The following MYBPC1 variants were observed in gnomAD, a reference collection of about 807,000 sequenced individuals.
The protein encoded by MYBPC1 is myosin-binding protein C, slow-type.
In MYBPC1, 52 loss-of-function variants were observed where a neutral mutation model predicts 147.1. That is an observed-to-expected ratio of 0.35 (90% CI 0.28 to 0.45). MYBPC1 has a LOEUF of 0.45. MYBPC1 is among the 20% of genes least tolerant of loss of function. MYBPC1 has a pLI of 1.00. For missense variants in MYBPC1, 1,228 were observed against 1,440.3 expected (o/e 0.85, Z 2.39); for synonymous variants, 477 against 475.9 (o/e 1.00, Z -0.03).
chr12:101,614,558 G>C lies in MYBPC1; in HGVS notation c.61+27G>C, dbSNP rs372192510. 1.9e-6 allele frequency: 3 copies of C among 1,611,454 alleles called. No individual in the cohort carries two copies. In the African/African-American group the frequency reaches 4.0e-5, roughly 22 times the overall value. On this transcript the variant is annotated intron_variant, in intron 2 of 31. Transcript: ENST00000361466. ...TGAGTAAAAACACTCACTCACACACGTTTGGGCTGCAAATACAGAGGGTCC... is the reference window on the plus strand; with the variant it reads ...TGAGTAAAAACACTCACTCACACACCTTTGGGCTGCAAATACAGAGGGTCC...
intron 1 of MYBPC1, among the ~76,000 whole-genome samples, chr12:101,598,618 G>A (rs557832617): frequency 6.6e-6 from 1 of 152,106 alleles, no homozygotes; most frequent in East Asian, 1.9e-4. Flanking sequence ...CTGTCACCCA[G>A]GCTGGAATGC....
At chr12:101,620,653 T>C (rs1197380200) in intron 3 of MYBPC1, among the ~76,000 whole-genome samples, 1 of 152,228 alleles carries the variant, frequency 6.6e-6, no homozygotes, top group Admixed American at 6.5e-5. Flanking sequence ...AGGTTTCTGC[T>C]GTGCCTCAAC....
chr12:101,662,888 C>T (rs922637247), intron 21 of MYBPC1, among the ~76,000 whole-genome samples: 2 of 152,110 alleles, frequency 1.3e-5, no homozygotes, highest in Non-Finnish European at 2.9e-5. Context: ...GTTAATATAA[C>T]CCAGCTTAGT....
At chr12:101,595,743 A>T (rs1291083285) in intron 1 of MYBPC1, among the ~76,000 whole-genome samples, 1 of 152,150 alleles carries the variant, frequency 6.6e-6, no homozygotes, top group Non-Finnish European at 1.5e-5. Flanking sequence ...ATTGTAGAGA[A>T]TTTCATAATA....
At chr12:101,600,625 A>G (rs1187117703) in intron 1 of MYBPC1, among the ~76,000 whole-genome samples, 1 of 152,210 alleles carries the variant, frequency 6.6e-6, no homozygotes, top group African/African-American at 2.4e-5. Context: ...ACTTTTATTT[A>G]AAATTATTGC....
At chr12:101,623,946 A>G (rs1263135089) in intron 3 of MYBPC1, among the ~76,000 whole-genome samples, 3 of 152,206 alleles carry the variant, frequency 2.0e-5, no homozygotes, top group African/African-American at 2.4e-5. Context: ...ATGTGAATGC[A>G]TGCATATTAG....
At chr12:101,671,106 T>C (rs909923256) in intron 24 of MYBPC1, among the ~76,000 whole-genome samples, 1 of 152,146 alleles carries the variant, frequency 6.6e-6, no homozygotes, top group Non-Finnish European at 1.5e-5. Flanking sequence ...ATATCAATGC[T>C]GTCCAATATG....
intron 4 of MYBPC1, among the ~76,000 whole-genome samples, 183 bp from the exon 5 acceptor site, chr12:101,627,586 T>C (rs1406068869): frequency 6.6e-6 from 1 of 152,260 alleles, no homozygotes; most frequent in East Asian, 1.9e-4. Flanking sequence ...AGACACACAC[T>C]TTTATAGATG....
chr12:101,671,767 AG>A (rs1233939667), intron 24 of MYBPC1, among the ~76,000 whole-genome samples: 1 of 152,144 alleles, frequency 6.6e-6, no homozygotes, highest in African/African-American at 2.4e-5. Flanking sequence ...TCTGTCACTG[AG>A]TCTGAGAGAG....
intron 23 of MYBPC1, among the ~76,000 whole-genome samples, chr12:101,669,663 G>A (rs919091601): frequency 1.3e-5 from 2 of 152,120 alleles, no homozygotes; most frequent in Non-Finnish European, 2.9e-5. Flanking sequence ...CTGGCCAGAC[G>A]CGGTGGCTCA....
chr12:101,624,633 C>T lies in MYBPC1; in HGVS notation c.104-2239C>T, dbSNP rs768135035. ...CTCCCAAGTGGTTAAGACTACAGCACACACTACCAAGTGCTCAGTGTGCAA... is the reference window on the plus strand; with the variant it reads ...CTCCCAAGTGGTTAAGACTACAGCATACACTACCAAGTGCTCAGTGTGCAA... On this transcript the variant is annotated intron_variant, in intron 3 of 31. Coordinates refer to ENST00000361466, the MANE Select transcript of MYBPC1 (RefSeq NM_002465.4). 1.2e-4 allele frequency among the ~76,000 whole-genome samples: 17 copies of T among 147,176 alleles called. 1 individual carries two copies. The highest frequency in any genetic ancestry group is 6.2e-4 in the Admixed American group (9 of 14,592).
chr12:101,635,550 T>C (rs1159007569), intron 9 of MYBPC1, among the ~76,000 whole-genome samples: 1 of 152,176 alleles, frequency 6.6e-6, no homozygotes, highest in Non-Finnish European at 1.5e-5. Context: ...ATTTTATTAC[T>C]TTCCTTCCAC....
intron 31 of MYBPC1, among the ~76,000 whole-genome samples, chr12:101,685,043 T>C (rs1951270602): frequency 6.6e-6 from 1 of 152,182 alleles, no homozygotes; most frequent in Non-Finnish European, 1.5e-5. Flanking sequence ...ACCGGTCTTA[T>C]TATTATAATT....
rs1468901733 is a variant in MYBPC1, at chr12:101,648,645, CA to C, written c.1196+496del. 2.0e-5 allele frequency among the ~76,000 whole-genome samples: 3 copies of C among 152,100 alleles called. No individual in the cohort carries two copies. In the East Asian group the frequency reaches 5.8e-4, roughly 29 times the overall value. ...GCAATGATTTTTAAGTACATATTTACATGTGTTTTTCATGTAACCCCTAGTC... is the reference window on the plus strand; with the variant it reads ...GCAATGATTTTTAAGTACATATTTACTGTGTTTTTCATGTAACCCCTAGTC... On this transcript the variant is annotated intron_variant, in intron 14 of 31. Coordinates refer to ENST00000361466, the MANE Select transcript of MYBPC1 (RefSeq NM_002465.4).
At chr12:101,694,646 A>G in the MYBPC1 span, among the ~76,000 whole-genome samples, 2 of 152,292 alleles carry the variant, frequency 1.3e-5, no homozygotes, top group Middle Eastern at 3.4e-3. Context: ...TAAGAAACAC[A>G]CTTTGACTTT....
intron 1 of MYBPC1, among the ~76,000 whole-genome samples, chr12:101,604,435 C>T (rs1156309616): frequency 2.0e-5 from 3 of 152,158 alleles, no homozygotes; most frequent in African/African-American, 7.2e-5. Flanking sequence ...TGGCAACATT[C>T]GACCATAGTA....
chr12:101,634,326 A>G (rs967278771), intron 8 of MYBPC1, among the ~76,000 whole-genome samples: 8 of 152,324 alleles, frequency 5.3e-5, no homozygotes, highest in South Asian at 2.1e-4. Context: ...TAGTGGGCAG[A>G]CAAGTTGAAT....
intron 15 of MYBPC1, among the ~76,000 whole-genome samples, chr12:101,650,284 G>A (rs1160367711): frequency 3.3e-5 from 5 of 152,178 alleles, no homozygotes; most frequent in Non-Finnish European, 7.3e-5. Context: ...GGGATTATGG[G>A]TATGACACTC....
Position 101,660,990 on chromosome 12 carries a change from G to A in MYBPC1, c.1928-168G>A, listed in dbSNP as rs562006374. 1.2e-4 allele frequency among the ~76,000 whole-genome samples: 18 copies of A among 152,328 alleles called. No individual in the cohort carries two copies. The South Asian group carries it at 3.7e-3, about 32-fold the overall frequency. Reference sequence around the variant, plus strand: ...GAGCTACAGTTCAAGATGAGATTTGGATGGGGACACAGCCAAACCATATCA... The same window carrying A: ...GAGCTACAGTTCAAGATGAGATTTGAATGGGGACACAGCCAAACCATATCA... On this transcript the variant is annotated intron_variant, in intron 19 of 31. Transcript: ENST00000361466.
Sources: allele counts gnomAD v4.1 joint callset (sites outside exome capture counted in the v4.1 genomes callset), GRCh38; gene constraint gnomAD v4.1.1; transcripts MANE v1.5; gene names NCBI Gene and HGNC (gene_info 2026-07-23, HGNC 2026-07-21).